The following RARB variants were observed in gnomAD, a reference collection of about 807,000 sequenced individuals.
The protein encoded by RARB is retinoic acid receptor beta.
A neutral mutation model predicts 51.9 loss-of-function variants in RARB; 17 were observed. The ratio of observed to expected loss-of-function variants is 0.33; its 90% confidence interval spans 0.22 to 0.49. The LOEUF (loss-of-function observed/expected upper bound fraction) is 0.49, where lower values mean the gene tolerates loss of function less well. Ranked by LOEUF, RARB falls within the 20% of genes least tolerant of loss-of-function variation. RARB has a pLI of 0.99. For missense variants in RARB, 369 were observed against 550.8 expected, an observed-to-expected ratio of 0.67 and a Z score of 3.30; for synonymous variants, 215 against 195.4, an observed-to-expected ratio of 1.10 and a Z score of -0.84.
At chr3:25,187,807 T>G (rs1701012216) in intron 5 of RARB, among the ~76,000 whole-genome samples, 1 of 152,102 alleles carries the variant, frequency 6.6e-6, no homozygotes. Flanking sequence ...AAAAAGGCCT[T>G]AAAATATTTT....
chr3:25,190,305 A>G (rs983694436), intron 5 of RARB, among the ~76,000 whole-genome samples: 1 of 152,086 alleles, frequency 6.6e-6, no homozygotes, highest in East Asian at 1.9e-4. Flanking sequence ...TACCCCAGGC[A>G]GATACACGCA....
intron 4 of RARB, among the ~76,000 whole-genome samples, chr3:25,137,606 ACT>A (rs1424428140): frequency 6.6e-6 from 1 of 152,058 alleles, no homozygotes; most frequent in African/African-American, 2.4e-5. Context: ...AATTATAATC[ACT>A]CTTATTGAAT....
chr3:25,479,165 T>C (rs1696107396), intron 2 of RARB, among the ~76,000 whole-genome samples: 1 of 152,156 alleles, frequency 6.6e-6, no homozygotes, highest in East Asian at 1.9e-4. Context: ...CTTTTTTTTT[T>C]GCCTTTGAAC....
intron 5 of RARB, among the ~76,000 whole-genome samples, chr3:25,406,054 C>A (rs1437291604): frequency 2.0e-5 from 3 of 152,222 alleles, no homozygotes; most frequent in African/African-American, 7.2e-5. Context: ...ACCATAAGAA[C>A]TGGCCATCTT....
At chr3:25,471,625 G>C (rs1306887700) in intron 2 of RARB, among the ~76,000 whole-genome samples, 3 of 149,576 alleles carry the variant, frequency 2.0e-5, no homozygotes, top group African/African-American at 7.4e-5. Flanking sequence ...GAGTTGGCGT[G>C]GTAAAAATAG....
At chr3:25,255,418 T>C (rs73151272) in intron 5 of RARB, among the ~76,000 whole-genome samples, 3,448 of 152,276 alleles carry the variant, frequency 0.023, 105 homozygotes, top group African/African-American at 0.073. Context: ...TGTGTCACTT[T>C]TGTGAATTTC....
chr3:25,538,441 G>A (rs1699232837), intron 3 of RARB, among the ~76,000 whole-genome samples: 1 of 152,108 alleles, frequency 6.6e-6, no homozygotes, highest in African/African-American at 2.4e-5. Flanking sequence ...TTTTTAAAAT[G>A]TATTAAGATA....
intron 5 of RARB, among the ~76,000 whole-genome samples, chr3:25,232,256 A>T (rs564594969): frequency 6.6e-6 from 1 of 152,282 alleles, no homozygotes; most frequent in South Asian, 2.1e-4. Context: ...TCTTGAAATC[A>T]GATAGGATGT....
At chr3:25,332,999 A>G (rs1014219736) in intron 5 of RARB, among the ~76,000 whole-genome samples, 2 of 152,338 alleles carry the variant, frequency 1.3e-5, no homozygotes, top group East Asian at 1.9e-4. Context: ...AAGGAGAACT[A>G]CAAACCACTG....
intron 3 of RARB, among the ~76,000 whole-genome samples, chr3:25,060,762 C>A (rs989711214): frequency 1.3e-5 from 2 of 151,778 alleles, no homozygotes; most frequent in Non-Finnish European, 2.9e-5. Context: ...TAGCCATGAC[C>A]TTGGTTAAGG....
chr3:24,872,097 T>TC (rs1702959501), intron 2 of RARB, among the ~76,000 whole-genome samples: 1 of 152,102 alleles, frequency 6.6e-6, no homozygotes, highest in Non-Finnish European at 1.5e-5. Flanking sequence ...CTCGAATGAT[T>TC]CCCCATTTCA....
Position 24,889,838 on chromosome 3 carries a change from A to G in RARB, c.-380+31086A>G, listed in dbSNP as rs1703343050. ...AGGAGTCTGGAAACAAAAGTTTCAT[A>G]TTTATTAAGAGCTGTTGAGAATTTT... On this transcript the variant is annotated intron_variant, in intron 2 of 11. Coordinates refer to the RARB transcript ENST00000383772. Among the ~76,000 whole-genome samples the G allele has an allele frequency of 2.6e-5, 4 of 151,458 alleles. No homozygotes were observed. The South Asian group carries it at 8.4e-4, about 32-fold the overall frequency.
chr3:25,139,198 C>G (rs1700074970), intron 4 of RARB, among the ~76,000 whole-genome samples: 1 of 151,988 alleles, frequency 6.6e-6, no homozygotes, highest in South Asian at 2.1e-4. Context: ...ACAATAGCCT[C>G]TAAATGAAAG....
intron 5 of RARB, among the ~76,000 whole-genome samples, chr3:25,415,891 C>T (rs1253806372): frequency 6.6e-6 from 1 of 152,078 alleles, no homozygotes; most frequent in Non-Finnish European, 1.5e-5. Flanking sequence ...TGGGTTGCTA[C>T]CATTGAAGAG....
chr3:25,453,618 T>G (rs1243432512), intron 1 of RARB, among the ~76,000 whole-genome samples: 1 of 152,102 alleles, frequency 6.6e-6, no homozygotes, highest in Non-Finnish European at 1.5e-5. Flanking sequence ...TGAGCAAGGC[T>G]TTATTAAAGA....
intron 2 of RARB, among the ~76,000 whole-genome samples, chr3:24,925,138 A>G (rs1181955404): frequency 1.3e-5 from 2 of 152,094 alleles, no homozygotes; most frequent in African/African-American, 4.8e-5. Context: ...AACAAAAACT[A>G]TATCCCCACA....
intron 5 of RARB, among the ~76,000 whole-genome samples, chr3:25,390,030 G>A (rs775667153): frequency 6.6e-6 from 1 of 152,134 alleles, no homozygotes; most frequent in African/African-American, 2.4e-5. Flanking sequence ...ATTTGAAGGG[G>A]CTGAGGTTAT....
chr3:24,980,618 G>A (rs1575103791), intron 2 of RARB, among the ~76,000 whole-genome samples: 1 of 152,044 alleles, frequency 6.6e-6, no homozygotes, highest in South Asian at 2.1e-4. Flanking sequence ...GTTCCATCAG[G>A]TCATTTAAGC....
intron 1 of RARB, among the ~76,000 whole-genome samples, chr3:25,438,089 A>C (rs1349186025): frequency 6.6e-6 from 1 of 152,122 alleles, no homozygotes; most frequent in Non-Finnish European, 1.5e-5. Context: ...CTGGCAATCC[A>C]AAAAGTCTCA....
Sources: allele counts gnomAD v4.1 joint callset (sites outside exome capture counted in the v4.1 genomes callset), GRCh38; gene constraint gnomAD v4.1.1; transcripts MANE v1.5; gene names NCBI Gene and HGNC (gene_info 2026-07-23, HGNC 2026-07-21).